The following PLD5 variants were observed in gnomAD, a reference collection of about 807,000 sequenced individuals.
PLD5 encodes inactive phospholipase D5.
In PLD5, 36 loss-of-function variants were observed where a neutral mutation model predicts 61.1. The observed-to-expected ratio is 0.59, with a 90% CI of 0.45 to 0.78. PLD5 has a LOEUF of 0.78. Among genes scored for constraint, PLD5 ranks in the 30% least tolerant of loss-of-function variants. The pLI, the probability that PLD5 is intolerant of heterozygous loss-of-function variation, is 0.00. For missense variants in PLD5, 515 were observed against 644.4 expected, an observed-to-expected ratio of 0.80 and a Z score of 2.17; for synonymous variants, 243 against 242.8, an observed-to-expected ratio of 1.00 and a Z score of -0.01.
At chr1:242,251,020 T>A (rs1167433254) in intron 4 of PLD5, among the ~76,000 whole-genome samples, 1 of 152,144 alleles carries the variant, frequency 6.6e-6, no homozygotes, top group Non-Finnish European at 1.5e-5. Context: ...AAAAAAATAG[T>A]CAGGTCATTT....
intron 5 of PLD5, among the ~76,000 whole-genome samples, chr1:242,138,170 A>G (rs1365261169): frequency 6.6e-6 from 1 of 152,240 alleles, no homozygotes; most frequent in East Asian, 1.9e-4. Context: ...TAAATAATTT[A>G]ATCCAATAAT....
intron 1 of PLD5, among the ~76,000 whole-genome samples, chr1:242,449,974 G>A (rs1666716500): frequency 6.6e-6 from 1 of 152,212 alleles, no homozygotes. Context: ...GGAAAGAAAA[G>A]TTCTTTACTC....
intron 4 of PLD5, among the ~76,000 whole-genome samples, chr1:242,257,034 TACCTTCTATCTATCTATCTA>T (rs1344821212): frequency 1.7e-5 from 2 of 114,388 alleles, no homozygotes; most frequent in Non-Finnish European, 3.8e-5. Context: ...TCTACCTACC[TACCTTCTATCTATCTATCTA>T]TCTATCTATC....
At chr1:242,292,771 C>A (rs1278888955) in intron 2 of PLD5, among the ~76,000 whole-genome samples, 1 of 152,338 alleles carries the variant, frequency 6.6e-6, no homozygotes, top group Middle Eastern at 3.4e-3. Flanking sequence ...ATTTCCAAGT[C>A]CTTCTCACTA....
chr1:242,507,275 G>GCAACCCTGAAATTCAATCTCATATGGTA (rs1668759256), intron 1 of PLD5, among the ~76,000 whole-genome samples: 1 of 152,134 alleles, frequency 6.6e-6, no homozygotes, highest in African/African-American at 2.4e-5. Flanking sequence ...TTTTTTACCA[G>GCAACCCTGAAATTCAATCTCATATGGTA]CAACCCTGAA....
At chr1:242,380,191 A>T (rs910126817) in intron 1 of PLD5, among the ~76,000 whole-genome samples, 3 of 152,208 alleles carry the variant, frequency 2.0e-5, no homozygotes, top group African/African-American at 7.2e-5. Flanking sequence ...TAAAATTATA[A>T]TATGAAGGTT....
At chr1:242,397,040 T>C (rs1663623467) in intron 1 of PLD5, among the ~76,000 whole-genome samples, 1 of 152,120 alleles carries the variant, frequency 6.6e-6, no homozygotes, top group Non-Finnish European at 1.5e-5. Context: ...TCTATTCTCT[T>C]TTATATAGCT....
intron 4 of PLD5, among the ~76,000 whole-genome samples, chr1:242,249,137 AAATGGCC>A (rs1370453289): frequency 6.6e-6 from 1 of 152,144 alleles, no homozygotes; most frequent in East Asian, 1.9e-4. Flanking sequence ...AAACATAACT[AAATGGCC>A]AATGTGATAG....
intron 5 of PLD5, among the ~76,000 whole-genome samples, chr1:242,167,387 A>G (rs2148865833): frequency 6.6e-6 from 1 of 152,290 alleles, no homozygotes; most frequent in South Asian, 2.1e-4. Context: ...AAGAGAGAGC[A>G]TGTGCGGGGG....
chr1:242,209,670 T>C (rs1306404348), intron 5 of PLD5, among the ~76,000 whole-genome samples: 8 of 151,830 alleles, frequency 5.3e-5, no homozygotes, highest in Admixed American at 5.3e-4. Context: ...TTCCCCTGTC[T>C]CTCTCTCCTT....
intron 4 of PLD5, among the ~76,000 whole-genome samples, chr1:242,238,416 GAT>G (rs1671778267): frequency 1.3e-5 from 2 of 152,166 alleles, no homozygotes; most frequent in Admixed American, 6.5e-5. Flanking sequence ...GCATCTTGCA[GAT>G]AGACTGGGGG....
At chr1:242,210,946 G>A (rs1669776480) in intron 5 of PLD5, 1 of 152,258 alleles carries the variant, frequency 6.6e-6, no homozygotes, top group African/African-American at 2.4e-5. Flanking sequence ...AAGGCTGAGA[G>A]AGGTGAAAAA....
intron 4 of PLD5, among the ~76,000 whole-genome samples, chr1:242,234,229 G>A (rs934724934): frequency 6.6e-6 from 1 of 152,144 alleles, no homozygotes; most frequent in African/African-American, 2.4e-5. Context: ...GAAGGAGGGA[G>A]GGTTTCTTTG....
chr1:242,446,679 T>A (rs1201587487), intron 1 of PLD5, among the ~76,000 whole-genome samples: 2 of 152,116 alleles, frequency 1.3e-5, no homozygotes, highest in Non-Finnish European at 2.9e-5. Flanking sequence ...TAAGGGAAAT[T>A]GGTCAGAGTA....
At position 242,142,467 on chromosome 1, in the gene PLD5, C is replaced by T. The variant is rs553209549; in HGVS notation, c.736-17802G>A. Among the ~76,000 whole-genome samples, 59 of 152,240 alleles carry T rather than the reference C, an allele frequency of 3.9e-4. No homozygotes were observed. The East Asian group carries it at 8.3e-3, about 22-fold the overall frequency. ...TTTGTATATTTCCAAATGGGAGCAACGTACATATTCTACAACTGCCTATTT... is the reference window on the plus strand; with the variant it reads ...TTTGTATATTTCCAAATGGGAGCAATGTACATATTCTACAACTGCCTATTT... On this transcript the variant is annotated intron_variant, in intron 5 of 9. Transcript: ENST00000536534.
At chr1:242,224,553 G>A (rs1007682968) in intron 4 of PLD5, among the ~76,000 whole-genome samples, 4 of 152,212 alleles carry the variant, frequency 2.6e-5, no homozygotes, top group East Asian at 1.9e-4. Flanking sequence ...AGAGCCGCTC[G>A]TCAATATTCA....
At chr1:242,098,647 AT>A (rs948369909) in intron 9 of PLD5, among the ~76,000 whole-genome samples, 1 of 151,810 alleles carries the variant, frequency 6.6e-6, no homozygotes, top group African/African-American at 2.4e-5. Context: ...GATTTTTAGA[AT>A]TTTCAGTTTT....
chr1:242,288,108 A>G (rs575403813), intron 3 of PLD5, among the ~76,000 whole-genome samples: 2 of 152,354 alleles, frequency 1.3e-5, no homozygotes, highest in African/African-American at 4.8e-5. Flanking sequence ...ACAACACAGC[A>G]ATTCTGTATA....
At chr1:242,321,874 G>A (rs895380317) in intron 2 of PLD5, among the ~76,000 whole-genome samples, 1 of 152,094 alleles carries the variant, frequency 6.6e-6, no homozygotes, top group Non-Finnish European at 1.5e-5. Flanking sequence ...AGGGTGAAGG[G>A]AAAGTTCTCT....
Sources: allele counts gnomAD v4.1 joint callset (sites outside exome capture counted in the v4.1 genomes callset), GRCh38; gene constraint gnomAD v4.1.1; transcripts MANE v1.5; gene names NCBI Gene and HGNC (gene_info 2026-07-23, HGNC 2026-07-21).